SLC18A1: variants seen among roughly 807,000 people sequenced by gnomAD.
SLC18A1 encodes chromaffin granule amine transporter.
A neutral mutation model predicts 53.7 loss-of-function variants in SLC18A1; 69 were observed. The ratio of observed to expected loss-of-function variants is 1.28; its 90% CI spans 1.06 to 1.57. The LOEUF (loss-of-function observed/expected upper bound fraction) is 1.57, where lower values mean the gene tolerates loss of function less well. Ranked by LOEUF, SLC18A1 falls within the 40% of genes most tolerant of loss-of-function variation. SLC18A1 has a pLI of 0.00. For synonymous variants in SLC18A1, 320 were observed against 248.1 expected (o/e 1.29, Z -2.72); for missense variants, 932 against 668.1 (o/e 1.40, Z -4.35).
intron 11 of SLC18A1, 116 bp from the exon 12 acceptor site, chr8:20,149,843 C>G (rs1156368292): frequency 1.1e-6 from 1 of 879,028 alleles, no homozygotes; most frequent in Admixed American, 2.0e-5. Flanking sequence ...CCCCTTAGGA[C>G]CTGAGGACAG....
At chr8:20,160,947 T>C (rs2071815676) in intron 10 of SLC18A1, among the ~76,000 whole-genome samples, 1 of 152,168 alleles carries the variant, frequency 6.6e-6, no homozygotes, top group Non-Finnish European at 1.5e-5. Flanking sequence ...TGATAATTGC[T>C]TTAATCTATT....
chr8:20,161,080 T>C (rs2128872764), intron 10 of SLC18A1, among the ~76,000 whole-genome samples: 1 of 152,286 alleles, frequency 6.6e-6, no homozygotes, highest in African/African-American at 2.4e-5. Context: ...ACCCCCGGCC[T>C]CCAAAATTCA....
At position 20,145,165 on chromosome 8, in the gene SLC18A1, C is replaced by T. The variant is rs2071362593; in HGVS notation, c.*598G>A. The T allele has an allele frequency of 6.6e-6, 1 of 151,736 alleles. No individual in the cohort carries two copies. The highest frequency in any genetic ancestry group is 6.6e-5 in the Admixed American group (1 of 15,226). 9.4% of individuals were successfully genotyped at this position (151,736 alleles called of 1,614,324 possible). ...AGACACTTTTCACTGAGGGTAAAGCCCTTTTAGCAGCTCTAGATTTAGCCA... is the reference window on the plus strand; with the variant it reads ...AGACACTTTTCACTGAGGGTAAAGCTCTTTTAGCAGCTCTAGATTTAGCCA... On this transcript the variant is annotated 3_prime_UTR_variant, in exon 16 of 16. Coordinates refer to ENST00000276373, the MANE Select transcript of SLC18A1 (RefSeq NM_003053.4).
chr8:20,153,596 T>A (rs1163990341), intron 10 of SLC18A1, among the ~76,000 whole-genome samples: 1 of 151,540 alleles, frequency 6.6e-6, no homozygotes, highest in Non-Finnish European at 1.5e-5. Flanking sequence ...GAGAATGGCA[T>A]GAACCTGAGA....
At chr8:20,163,758 C>T (rs1037210370) in intron 10 of SLC18A1, among the ~76,000 whole-genome samples, 2 of 152,154 alleles carry the variant, frequency 1.3e-5, no homozygotes, top group African/African-American at 4.8e-5. Context: ...GTTGGACAAC[C>T]TTTGATGTCA....
intron 6 of SLC18A1, among the ~76,000 whole-genome samples, chr8:20,171,974 G>A (rs1301170676): frequency 6.6e-6 from 1 of 152,242 alleles, no homozygotes. Flanking sequence ...TATTTGCGAG[G>A]AGAAAAGTAG....
intron 8 of SLC18A1, among the ~76,000 whole-genome samples, chr8:20,168,069 A>T (rs2072015122): frequency 6.6e-6 from 1 of 152,250 alleles, no homozygotes. Context: ...AAAAACAATG[A>T]AGGTATGTTA....
At chr8:20,178,363 T>C in intron 4 of SLC18A1, 72 bp downstream of exon 4, 8 of 1,240,696 alleles carry the variant, frequency 6.4e-6, no homozygotes, top group Non-Finnish European at 5.8e-6. Flanking sequence ...TACCCTGCTA[T>C]CTACACCGCA....
intron 8 of SLC18A1, among the ~76,000 whole-genome samples, chr8:20,167,619 T>C (rs2072001521): frequency 6.6e-6 from 1 of 151,808 alleles, no homozygotes; most frequent in Non-Finnish European, 1.5e-5. Flanking sequence ...TTTTGTTTTT[T>C]TTGTTTTTTT....
intron 6 of SLC18A1, among the ~76,000 whole-genome samples, chr8:20,172,750 G>C (rs2072154758): frequency 6.6e-6 from 1 of 152,206 alleles, no homozygotes; most frequent in African/African-American, 2.4e-5. Context: ...CAGCAGCCAT[G>C]CTCTGGTGCT....
intron 10 of SLC18A1, 176 bp from the exon 11 acceptor site, chr8:20,150,920 C>A (rs1443608509): frequency 1.8e-5 from 11 of 606,870 alleles, no homozygotes; most frequent in Non-Finnish European, 2.7e-5. Context: ...GACCCCCACA[C>A]CTCTCCTTTC....
chr8:20,182,150 G>T (rs1387685772), intron 1 of SLC18A1, among the ~76,000 whole-genome samples: 2 of 152,026 alleles, frequency 1.3e-5, no homozygotes, highest in African/African-American at 4.8e-5. Flanking sequence ...TTACCATCAT[G>T]AAATCTATCA....
At chr8:20,152,823 G>A (rs2071591495) in intron 10 of SLC18A1, among the ~76,000 whole-genome samples, 1 of 152,208 alleles carries the variant, frequency 6.6e-6, no homozygotes, top group African/African-American at 2.4e-5. Flanking sequence ...CAATGAAGTA[G>A]GTGAGGGGAG....
chr8:20,151,778 C>T (rs1334796300), intron 10 of SLC18A1, among the ~76,000 whole-genome samples: 1 of 152,164 alleles, frequency 6.6e-6, no homozygotes, highest in South Asian at 2.1e-4. Flanking sequence ...ATTTACTTAA[C>T]CTGTCTGAGT....
At chr8:20,161,881 T>C (rs2071838957) in intron 10 of SLC18A1, among the ~76,000 whole-genome samples, 1 of 152,148 alleles carries the variant, frequency 6.6e-6, no homozygotes, top group Non-Finnish European at 1.5e-5. Flanking sequence ...CAATCATGGG[T>C]TGGAGTCTTG....
chr8:20,171,725 T>C (rs926871212), intron 6 of SLC18A1, among the ~76,000 whole-genome samples: 3 of 150,548 alleles, frequency 2.0e-5, no homozygotes, highest in Admixed American at 6.6e-5. Flanking sequence ...TGTGTATGTA[T>C]GTGTGTGTGT....
In SLC18A1 at chr8:20,148,081, A is replaced by C. The variant is rs1410085884; in HGVS notation, c.1147-11T>G. 6.2e-7 allele frequency: 1 copy of C among 1,613,784 alleles called. No homozygotes were observed. Among genetic ancestry groups the C allele is most frequent in the Non-Finnish European group, 8.5e-7 (1 of 1,179,812 alleles). On this transcript the variant is annotated splice_polypyrimidine_tract_variant and intron_variant, in intron 12 of 15. Transcript: ENST00000276373. The stretch of plus-strand genomic sequence containing the variant: ...GTGAGCCAGAGGAACCTGCATGGGG[A>C]AGGAGGAAGAGTCATCAGGACTCCA...
intron 1 of SLC18A1, among the ~76,000 whole-genome samples, chr8:20,181,488 T>C (rs1301201114): frequency 6.6e-6 from 1 of 152,242 alleles, no homozygotes; most frequent in East Asian, 1.9e-4. Context: ...GGGATGTGCC[T>C]GGAGTCTCAG....
At chr8:20,171,012 C>T in intron 8 of SLC18A1, 91 bp downstream of exon 8, 1 of 1,308,244 alleles carries the variant, frequency 7.6e-7, no homozygotes, top group Non-Finnish European at 1.1e-6. Flanking sequence ...TTCCTCTTCA[C>T]TTTTCTTCTT....
Sources: allele counts gnomAD v4.1 joint callset (sites outside exome capture counted in the v4.1 genomes callset), GRCh38; gene constraint gnomAD v4.1.1; transcripts MANE v1.5; gene names NCBI Gene and HGNC (gene_info 2026-07-23, HGNC 2026-07-21).